The following ME1 variants were observed in gnomAD, a reference collection of about 807,000 sequenced individuals.
ME1 encodes malic enzyme 1, also known as NADP-dependent malic enzyme.
ME1 carries 74 observed loss-of-function variants against 66.4 expected under a neutral mutation model. The ratio of observed to expected loss-of-function variants is 1.11; its 90% CI spans 0.92 to 1.35. The LOEUF is 1.35. ME1 is among the 40% of genes most tolerant of loss of function. The pLI is 0.00. For missense variants in ME1, 750 were observed against 694.1 expected (o/e 1.08, Z -0.90); for synonymous variants, 251 against 235.6 (o/e 1.07, Z -0.60).
intron 1 of ME1, among the ~76,000 whole-genome samples, chr6:83,415,293 T>A (rs763054197): frequency 1.4e-4 from 22 of 152,208 alleles, no homozygotes; most frequent in Non-Finnish European, 2.6e-4. Flanking sequence ...ACACACGAAG[T>A]TGCAAATGTC....
At chr6:83,214,733 C>G (rs1789959754) in intron 13 of ME1, among the ~76,000 whole-genome samples, 1 of 152,170 alleles carries the variant, frequency 6.6e-6, no homozygotes, top group Admixed American at 6.5e-5. Flanking sequence ...TATCTAGCCT[C>G]TCTTTAAGTT....
At position 83,237,397 on chromosome 6, in the gene ME1, GGAAA is replaced by G. The variant is rs869153867; in HGVS notation, c.1026+316_1026+319del. On this transcript the variant is annotated intron_variant, in intron 9 of 13. Transcript: ENST00000369705. ...AAAAGGAAGGAAAGGAAGGAAGGAAGGAAAGAAAGAAAAAGAAAGAAAGAAAGAG... is the reference window on the plus strand; with the variant it reads ...AAAAGGAAGGAAAGGAAGGAAGGAAGGAAAGAAAAAGAAAGAAAGAAAGAG... Among the ~76,000 whole-genome samples, 6 of 118,882 alleles carry G rather than the reference GGAAA, an allele frequency of 5.0e-5. No homozygotes were observed. The East Asian group carries it at 1.1e-3, about 22-fold the overall frequency. 78.0% of individuals were successfully genotyped at this position (118,882 alleles called of 152,430 possible).
chr6:83,332,058 A>T (rs776002014), intron 5 of ME1, among the ~76,000 whole-genome samples: 1 of 152,240 alleles, frequency 6.6e-6, no homozygotes, highest in Non-Finnish European at 1.5e-5. Flanking sequence ...TACTTCACGT[A>T]ACAAGTAAAC....
intron 6 of ME1, among the ~76,000 whole-genome samples, chr6:83,312,903 G>A (rs1040916629): frequency 2.6e-5 from 4 of 152,102 alleles, no homozygotes; most frequent in South Asian, 4.1e-4. Flanking sequence ...ACAGGCATAC[G>A]CCACCATGCC....
At chr6:83,387,499 T>C (rs920861113) in intron 3 of ME1, among the ~76,000 whole-genome samples, 2 of 152,060 alleles carry the variant, frequency 1.3e-5, no homozygotes, top group Non-Finnish European at 2.9e-5. Context: ...TGTTTCCATA[T>C]AAGTAAACAT....
At chr6:83,255,750 T>C (rs1766756617) in intron 6 of ME1, among the ~76,000 whole-genome samples, 1 of 152,104 alleles carries the variant, frequency 6.6e-6, no homozygotes, top group African/African-American at 2.4e-5. Flanking sequence ...TTTCCCATTT[T>C]ATTCTACTAC....
intron 5 of ME1, among the ~76,000 whole-genome samples, chr6:83,332,445 C>T (rs1768432185): frequency 6.6e-6 from 1 of 152,216 alleles, no homozygotes; most frequent in South Asian, 2.1e-4. Context: ...ATCAAAAAGA[C>T]ACCTGCACAT....
At chr6:83,295,082 A>G (rs999311250) in intron 6 of ME1, among the ~76,000 whole-genome samples, 3 of 152,240 alleles carry the variant, frequency 2.0e-5, no homozygotes, top group African/African-American at 7.2e-5. Context: ...CACATGATTA[A>G]GAGCCTACCA....
intron 3 of ME1, among the ~76,000 whole-genome samples, chr6:83,390,753 TACA>T (rs1437258306): frequency 4.6e-5 from 7 of 152,084 alleles, no homozygotes; most frequent in Non-Finnish European, 1.0e-4. Flanking sequence ...GAAAGAATAA[TACA>T]ACAAATACCT....
intron 3 of ME1, among the ~76,000 whole-genome samples, chr6:83,372,942 T>C (rs1168224594): frequency 6.6e-6 from 1 of 152,202 alleles, no homozygotes; most frequent in African/African-American, 2.4e-5. Context: ...CTGAAATAAG[T>C]AAATGTTTAG....
At chr6:83,243,243 C>A (rs910056236) in intron 7 of ME1, among the ~76,000 whole-genome samples, 23 of 148,494 alleles carry the variant, frequency 1.5e-4, no homozygotes, top group Non-Finnish European at 3.1e-4. Flanking sequence ...TCCAGTCCAG[C>A]CTGGGCAACA....
intron 5 of ME1, among the ~76,000 whole-genome samples, chr6:83,333,545 G>A (rs961286011): frequency 6.6e-6 from 1 of 152,126 alleles, no homozygotes; most frequent in Non-Finnish European, 1.5e-5. Flanking sequence ...CACATTATGA[G>A]TTAAAGACCA....
At chr6:83,330,452 A>G (rs372700494) in intron 5 of ME1, among the ~76,000 whole-genome samples, 1 of 152,232 alleles carries the variant, frequency 6.6e-6, no homozygotes, top group African/African-American at 2.4e-5. Flanking sequence ...TGCTAGAAAT[A>G]AAAATGATTA....
intron 2 of ME1, among the ~76,000 whole-genome samples, chr6:83,399,435 A>T (rs1190073117): frequency 6.6e-6 from 1 of 152,232 alleles, no homozygotes; most frequent in Non-Finnish European, 1.5e-5. Flanking sequence ...AAGAGATGAA[A>T]ATATAACTAT....
At chr6:83,381,335 T>A (rs1490191795) in intron 3 of ME1, among the ~76,000 whole-genome samples, 1 of 151,978 alleles carries the variant, frequency 6.6e-6, no homozygotes, top group African/African-American at 2.4e-5. Flanking sequence ...GACAAGATAG[T>A]GAGGTGATTG....
At chr6:83,329,234 T>A (rs1171817148) in intron 5 of ME1, among the ~76,000 whole-genome samples, 1 of 152,198 alleles carries the variant, frequency 6.6e-6, no homozygotes, top group African/African-American at 2.4e-5. Context: ...TCTCTACCCA[T>A]TCAGAACTAC....
rs148081456 is a variant in ME1 at position 83,354,158 on chromosome 6, G to A, written c.363-2019C>T. Among the ~76,000 whole-genome samples, 1,355 of 152,038 alleles carry A rather than the reference G, an allele frequency of 8.9e-3. 19 individuals carry two copies. Among genetic ancestry groups the A allele is most frequent in the African/African-American group, 0.03 (1,264 of 41,482 alleles). On this transcript the variant is annotated intron_variant, in intron 3 of 13. Coordinates refer to ENST00000369705, the MANE Select transcript of ME1 (RefSeq NM_002395.6). ...GGTTGTTTATTTTTGAAAGTGTCTC[G>A]CTCTGTCACCCAGGTTGGAGGGCAT...
intron 6 of ME1, among the ~76,000 whole-genome samples, chr6:83,256,120 T>A (rs1292251978): frequency 6.6e-6 from 1 of 152,166 alleles, no homozygotes; most frequent in Non-Finnish European, 1.5e-5. Flanking sequence ...CTTGTCCTCC[T>A]TACATACCGT....
chr6:83,326,768 C>A (rs1768300304), intron 5 of ME1, among the ~76,000 whole-genome samples: 1 of 152,192 alleles, frequency 6.6e-6, no homozygotes, highest in African/African-American at 2.4e-5. Context: ...AATAGAAATG[C>A]TTTTACACAC....
Sources: gnomAD v4.1 joint callset for allele counts (sites outside exome capture counted in the v4.1 genomes callset) on GRCh38, gnomAD v4.1.1 for gene constraint, MANE v1.5 for transcripts, NCBI Gene and HGNC (gene_info 2026-07-23, HGNC 2026-07-21) for gene names.